Variants in PPP2CA observed in about 807,000 individuals in gnomAD.
The protein encoded by PPP2CA is protein phosphatase 2 catalytic subunit alpha, also known as serine/threonine-protein phosphatase 2A catalytic subunit alpha isoform.
PPP2CA carries 5 observed loss-of-function variants against 38.8 expected under a neutral mutation model. That is an observed-to-expected ratio of 0.13 (90% CI 0.07 to 0.27). The LOEUF is 0.27. PPP2CA is among the 10% of genes least tolerant of loss of function. The pLI is 1.00. For missense variants in PPP2CA, 88 were observed against 389.7 expected (o/e 0.23, Z 6.52); for synonymous variants, 152 against 134.0 (o/e 1.13, Z -0.93).
chr5:134,200,615 G>A, intron 4 of PPP2CA, 119 bp from the exon 5 acceptor site: 2 of 1,091,446 alleles, frequency 1.8e-6, no homozygotes, highest in South Asian at 1.6e-5. Context: ...TGTGGACAAT[G>A]CTAATAGACT....
intron 1 of PPP2CA, among the ~76,000 whole-genome samples, chr5:134,213,862 G>C (rs895404449): frequency 3.3e-5 from 5 of 152,180 alleles, no homozygotes; most frequent in Admixed American, 3.3e-4. Context: ...AGGCACAGTG[G>C]CTCACGCCTG....
chr5:134,215,051 C>A (rs1762287442), intron 1 of PPP2CA, among the ~76,000 whole-genome samples: 1 of 145,178 alleles, frequency 6.9e-6, no homozygotes, highest in Admixed American at 6.9e-5. Flanking sequence ...AAAAAAAAAT[C>A]AATCAATTGG....
chr5:134,218,683 T>TG (rs398050756), intron 1 of PPP2CA, among the ~76,000 whole-genome samples: 2 of 151,540 alleles, frequency 1.3e-5, no homozygotes, highest in African/African-American at 4.8e-5. Context: ...TTTTTTTTTT[T>TG]CTTTTAAGAT....
At chr5:134,198,406 A>ACAAC (rs879788145) in intron 6 of PPP2CA, among the ~76,000 whole-genome samples, 1 of 151,006 alleles carries the variant, frequency 6.6e-6, no homozygotes, top group Non-Finnish European at 1.5e-5. Flanking sequence ...AAACAAACAA[A>ACAAC]CAACAAAAAA....
intron 1 of PPP2CA, 182 bp downstream of exon 1, chr5:134,225,578 T>C (rs1580655708): frequency 7.8e-6 from 4 of 515,820 alleles, no homozygotes; most frequent in African/African-American, 6.1e-5. Flanking sequence ...AACCAATCCC[T>C]GCGCGGGAGG....
At chr5:134,214,715 G>A (rs1229359560) in intron 1 of PPP2CA, among the ~76,000 whole-genome samples, 1 of 152,084 alleles carries the variant, frequency 6.6e-6, no homozygotes, top group Non-Finnish European at 1.5e-5. Flanking sequence ...ATGTTCTGAA[G>A]TATTTGTATA....
chr5:134,224,409 C>T (rs1285913249), intron 1 of PPP2CA: 1 of 400,050 alleles, frequency 2.5e-6, no homozygotes, highest in Non-Finnish European at 4.9e-6. Context: ...ACTTAAATTC[C>T]AATTGTTCAC....
chr5:134,219,210 TATTA>T (rs1349707500), intron 1 of PPP2CA, among the ~76,000 whole-genome samples: 2 of 152,204 alleles, frequency 1.3e-5, no homozygotes, highest in Non-Finnish European at 2.9e-5. Context: ...AAAACTGTGC[TATTA>T]ATTAGAGCAA....
chr5:134,200,595 G>T, intron 4 of PPP2CA, 99 bp from the exon 5 acceptor site: 1 of 1,310,202 alleles, frequency 7.6e-7, no homozygotes, highest in Non-Finnish European at 1.1e-6. Flanking sequence ...CACCCTTTTT[G>T]AGTGATGTTT....
At chr5:134,215,920 A>C (rs1207870833) in intron 1 of PPP2CA, among the ~76,000 whole-genome samples, 1 of 152,190 alleles carries the variant, frequency 6.6e-6, no homozygotes, top group Non-Finnish European at 1.5e-5. Flanking sequence ...ACTCCAACGA[A>C]ATCAGATTAT....
rs112680321 is a variant in PPP2CA, at chr5:134,208,946, G to A, written c.103-2815C>T. On this transcript the variant is annotated intron_variant, in intron 1 of 6. Coordinates refer to ENST00000481195, the MANE Select transcript of PPP2CA (RefSeq NM_002715.4). Reference sequence around the variant, plus strand: ...GAGTATTCCCCTGACCAATTACAATGGCAGAGGGGTGTGAAACTACAGCAA... The same window carrying A: ...GAGTATTCCCCTGACCAATTACAATAGCAGAGGGGTGTGAAACTACAGCAA... Among the ~76,000 whole-genome samples the A allele has an allele frequency of 5.8e-3, 889 of 152,222 alleles. 7 individuals carry two copies. Among genetic ancestry groups the A allele is most frequent in the African/African-American group, 0.021 (853 of 41,528 alleles).
chr5:134,218,862 G>A (rs891679947), intron 1 of PPP2CA, among the ~76,000 whole-genome samples: 6 of 151,928 alleles, frequency 3.9e-5, no homozygotes, highest in African/African-American at 1.5e-4. Context: ...GTAGAGACGG[G>A]GTTTCACCGT....
chr5:134,206,013 T>G lies in PPP2CA; in HGVS notation c.221A>C (p.Lys74Thr). Residue 74 changes from lysine to threonine, a missense_variant, in exon 2 of 7, where the codon AAA becomes ACA. Around this residue, in one of 4 missense-constraint regions of PPP2CA, gnomAD observed 6 missense variants for 52.2 expected, o/e 0.12. Transcript: ENST00000481195. ...AAACAAGTAATTTGTATCTGGTGAT[T>G]TGCCACCAATTCTAAACAGTTCCAT... ...DLMELFRIGG[K>T]SPDTNYLFMG... is the part of the protein sequence containing the mutation. The G allele has an allele frequency of 1.9e-6, 3 of 1,614,122 alleles. No homozygotes were observed. The highest frequency in any genetic ancestry group is 2.5e-6 in the Non-Finnish European group (3 of 1,179,962).
intron 6 of PPP2CA, 118 bp downstream of exon 6, chr5:134,198,968 C>A: frequency 1.3e-6 from 1 of 761,444 alleles, no homozygotes. Flanking sequence ...AGGATCACTT[C>A]AGCCTAGGAG....
chr5:134,219,624 T>C (rs139030382), intron 1 of PPP2CA, among the ~76,000 whole-genome samples: 110 of 152,296 alleles, frequency 7.2e-4, no homozygotes, highest in Non-Finnish European at 1.4e-3. Context: ...CAGATTCAGA[T>C]ATACACGCAT....
chr5:134,221,118 T>C (rs771986150), intron 1 of PPP2CA, among the ~76,000 whole-genome samples: 10 of 152,078 alleles, frequency 6.6e-5, no homozygotes, highest in Non-Finnish European at 1.5e-4. Flanking sequence ...AGAGGCTTTT[T>C]TGGGGCCGGG....
Position 134,201,082 on chromosome 5 carries a change from G to A in PPP2CA, c.487-8C>T. ...ACCATGTAGACAGAAGATCTGAAAA[G>A]AGTGGTTTAAAAGGTTAACCTCACC... is the stretch of plus-strand genomic sequence containing the variant. On this transcript the variant is annotated splice_polypyrimidine_tract_variant and splice_region_variant and intron_variant, in intron 3 of 6. Coordinates refer to ENST00000481195, the MANE Select transcript of PPP2CA (RefSeq NM_002715.4). 1 of 1,602,686 alleles carries A rather than the reference G, an allele frequency of 6.2e-7. No homozygotes were observed. Among genetic ancestry groups the A allele is most frequent in the Non-Finnish European group, 8.5e-7 (1 of 1,169,708 alleles).
intron 3 of PPP2CA, among the ~76,000 whole-genome samples, 178 bp from the exon 4 acceptor site, chr5:134,201,252 A>G (rs1761961664): frequency 1.3e-5 from 2 of 152,214 alleles, no homozygotes; most frequent in Admixed American, 1.3e-4. Context: ...TGTCTCTACA[A>G]AAATTTTAAA....
At chr5:134,225,661 G>A in intron 1 of PPP2CA, 99 bp downstream of exon 1, 2 of 1,093,774 alleles carry the variant, frequency 1.8e-6, no homozygotes, top group Non-Finnish European at 2.6e-6. Flanking sequence ...CGGGGGGCCC[G>A]GACCGGCGGC....
Sources: allele counts gnomAD v4.1 joint callset (sites outside exome capture counted in the v4.1 genomes callset), GRCh38; gene constraint gnomAD v4.1.1; regional missense constraint gnomAD v4.1.1; transcripts MANE v1.5; gene names NCBI Gene and HGNC (gene_info 2026-07-23, HGNC 2026-07-21).